The following SIRT4 variants were observed in gnomAD, a reference collection of about 807,000 sequenced individuals.
SIRT4 encodes NAD-dependent protein lipoamidase sirtuin-4, mitochondrial.
A neutral mutation model predicts 26.1 loss-of-function variants in SIRT4; 23 were observed. The ratio of observed to expected loss-of-function variants is 0.88; its 90% confidence interval spans 0.63 to 1.25. SIRT4 has a LOEUF of 1.25. SIRT4 is among the 50% of genes most tolerant of loss of function. SIRT4 has a pLI of 0.00. For synonymous variants in SIRT4, 155 were observed against 158.4 expected (o/e 0.98, Z 0.16); for missense variants, 361 against 405.4 (o/e 0.89, Z 0.94).
chr12:120,291,792 T>G, the SIRT4 span: 2 of 152,336 alleles, frequency 1.3e-5, no homozygotes, highest in African/African-American at 2.4e-5. Context: ...AAATTGCCAA[T>G]GCCGACTATA....
chr12:120,297,660 C>G (rs1872381216), upstream of SIRT4, among the ~76,000 whole-genome samples: 1 of 152,166 alleles, frequency 6.6e-6, no homozygotes, highest in Admixed American at 6.6e-5. Flanking sequence ...TTCCTCAGAG[C>G]ATGAGATTTT....
At chr12:120,300,192 T>C (rs1321351523), upstream of SIRT4, among the ~76,000 whole-genome samples, 2 of 151,484 alleles carry the variant, frequency 1.3e-5, no homozygotes, top group Non-Finnish European at 2.9e-5. Flanking sequence ...CTCGAGAGGA[T>C]GAGGTTGGAG....
At chr12:120,309,716 T>TTC (rs1448822280) in intron 2 of SIRT4, among the ~76,000 whole-genome samples, 4 of 124,570 alleles carry the variant, frequency 3.2e-5, no homozygotes, top group African/African-American at 1.1e-4. Flanking sequence ...CCCGCTTTCT[T>TTC]TTTTTTTTTT....
chr12:120,310,883 C>G, intron 2 of SIRT4, among the ~76,000 whole-genome samples: 1 of 151,178 alleles, frequency 6.6e-6, no homozygotes. Flanking sequence ...CTACAGGCGC[C>G]CGCCACCACG....
the SIRT4 span, among the ~76,000 whole-genome samples, chr12:120,293,628 A>G: frequency 6.6e-6 from 1 of 152,180 alleles, no homozygotes; most frequent in Non-Finnish European, 1.5e-5. Context: ...CAAAGTATAC[A>G]TAAAATTTAC....
At chr12:120,302,177 TTA>T, upstream of SIRT4, 1 of 152,240 alleles carries the variant, frequency 6.6e-6, no homozygotes, top group African/African-American at 2.4e-5. Context: ...AGCTTTTATA[TTA>T]ACGGGGGAAC....
At chr12:120,293,015 C>CTA in the SIRT4 span, 1 of 150,644 alleles carries the variant, frequency 6.6e-6, no homozygotes, top group South Asian at 2.1e-4. Context: ...AGTTTGCGAA[C>CTA]AAGTACTCTT....
upstream of SIRT4, among the ~76,000 whole-genome samples, chr12:120,300,695 G>A (rs1408251850): frequency 6.6e-6 from 1 of 152,116 alleles, no homozygotes; most frequent in East Asian, 1.9e-4. Context: ...TGATCCTCCT[G>A]CCTTGGCCTC....
chr12:120,295,746 A>G, the SIRT4 span, among the ~76,000 whole-genome samples: 3 of 151,802 alleles, frequency 2.0e-5, no homozygotes, highest in South Asian at 2.1e-4. Flanking sequence ...TTCCTTCAGG[A>G]TGTAGAAAGC....
At chr12:120,311,735 C>CAAAAAA (rs10612543) in intron 2 of SIRT4, among the ~76,000 whole-genome samples, 9 of 55,108 alleles carry the variant, frequency 1.6e-4, no homozygotes, top group Non-Finnish European at 2.1e-4. Context: ...AACTTGCTCT[C>CAAAAAA]AAAAAAAAAA....
chr12:120,292,834 C>G, the SIRT4 span, among the ~76,000 whole-genome samples: 1 of 152,050 alleles, frequency 6.6e-6, no homozygotes, highest in Non-Finnish European at 1.5e-5. Flanking sequence ...AGAAAGAAAA[C>G]AGGACAGCCA....
chr12:120,291,915 G>GTA, the SIRT4 span: 18 of 151,514 alleles, frequency 1.2e-4, no homozygotes, highest in Admixed American at 5.9e-4. Flanking sequence ...GAAAGGTTCT[G>GTA]TTCGCGCCCC....
At chr12:120,296,327 C>T in the SIRT4 span, among the ~76,000 whole-genome samples, 1 of 151,424 alleles carries the variant, frequency 6.6e-6, no homozygotes, top group Non-Finnish European at 1.5e-5. Context: ...ACGCCATTCT[C>T]CTGCCTCAGC....
chr12:120,312,973 C>T lies in SIRT4; in HGVS notation c.882C>T (p.Asp294=). ...ACATTGGGCCCACACGGTCGGATGA[C>T]TTGGCGTGTCTGAAACTGAATTCTC... ...ILNIGPTRSD[D]LACLKLNSRC... is the part of the protein sequence containing the mutation. Residue 294 remains aspartate, a synonymous_variant, in exon 4 of 4, where the codon GAC becomes GAT. Coordinates refer to ENST00000202967, the MANE Select transcript of SIRT4 (RefSeq NM_012240.3). 6.2e-7 allele frequency: 1 copy of T among 1,614,146 alleles called. No homozygotes were observed. The highest frequency in any genetic ancestry group is 8.5e-7 in the Non-Finnish European group (1 of 1,180,044).
the SIRT4 span, chr12:120,293,278 C>T: frequency 4.6e-5 from 7 of 152,324 alleles, no homozygotes; most frequent in East Asian, 5.8e-4. Flanking sequence ...AATAAACCAG[C>T]TTCCTATTTC....
chr12:120,293,287 T>A, the SIRT4 span: 5 of 152,340 alleles, frequency 3.3e-5, no homozygotes, highest in South Asian at 4.1e-4. Context: ...GCTTCCTATT[T>A]CGCAAAGGTG....
At chr12:120,310,649 T>C (rs1007136615) in intron 2 of SIRT4, among the ~76,000 whole-genome samples, 8 of 151,848 alleles carry the variant, frequency 5.3e-5, no homozygotes, top group Non-Finnish European at 8.8e-5. Flanking sequence ...GGCAGGAGGA[T>C]TGCTTGAGCC....
At chr12:120,298,403 G>A (rs575049773), upstream of SIRT4, among the ~76,000 whole-genome samples, 1 of 151,704 alleles carries the variant, frequency 6.6e-6, no homozygotes, top group African/African-American at 2.4e-5. Context: ...GACCAGCCTG[G>A]GCAACATGGT....
At chr12:120,302,886 A>G (rs978506210) in intron 1 of SIRT4, among the ~76,000 whole-genome samples, 1 of 150,500 alleles carries the variant, frequency 6.6e-6, no homozygotes, top group African/African-American at 2.4e-5. Context: ...TGCCCGGCTA[A>G]TTTTTTTTGT....
Sources: gnomAD v4.1 joint callset for allele counts (sites outside exome capture counted in the v4.1 genomes callset) on GRCh38, gnomAD v4.1.1 for gene constraint, MANE v1.5 for transcripts, NCBI Gene and HGNC (gene_info 2026-07-23, HGNC 2026-07-21) for gene names.